UBAC2: variants seen among roughly 807,000 people sequenced by gnomAD.
UBAC2 encodes the protein UBA domain containing 2, also known as ubiquitin-associated domain-containing protein 2.
UBAC2 carries 26 observed loss-of-function variants against 44.0 expected under a neutral mutation model. The ratio of observed to expected loss-of-function variants is 0.59; its 90% confidence interval spans 0.43 to 0.82. UBAC2 has a LOEUF of 0.82. UBAC2 is among the 40% of genes least tolerant of loss of function. The probability of loss-of-function intolerance (pLI) is 0.00; values close to 1 mark genes in which losing one functional copy is unlikely to be tolerated. For missense variants in UBAC2, 329 were observed against 419.4 expected (o/e 0.78, Z 1.88); for synonymous variants, 155 against 154.3 (o/e 1.00, Z -0.04).
chr13:99,201,544 T>C (rs776095402), intron 1 of UBAC2: 4 of 1,614,144 alleles, frequency 2.5e-6, no homozygotes, highest in Non-Finnish European at 1.7e-6. Flanking sequence ...GCTGTTTTCC[T>C]GGCGTGTTAG....
At chr13:99,337,513 G>T (rs1015725676) in intron 6 of UBAC2, among the ~76,000 whole-genome samples, 9 of 152,020 alleles carry the variant, frequency 5.9e-5, no homozygotes, top group African/African-American at 1.4e-4. Flanking sequence ...CACCACAGTG[G>T]ATCTAGATGT....
chr13:99,299,449 TACAC>T (rs1005093496), intron 4 of UBAC2, among the ~76,000 whole-genome samples: 1 of 149,890 alleles, frequency 6.7e-6, no homozygotes, highest in South Asian at 2.1e-4. Context: ...GGGAAGCAAA[TACAC>T]ACACACACGC....
At chr13:99,272,029 T>C (rs777902757) in intron 4 of UBAC2, among the ~76,000 whole-genome samples, 2 of 152,238 alleles carry the variant, frequency 1.3e-5, no homozygotes, top group Non-Finnish European at 2.9e-5. Flanking sequence ...ACTTTCTTTG[T>C]TGTTTCAGCA....
chr13:99,317,191 A>G (rs1305374430), intron 5 of UBAC2, among the ~76,000 whole-genome samples: 3 of 152,148 alleles, frequency 2.0e-5, no homozygotes, highest in Non-Finnish European at 2.9e-5. Flanking sequence ...TGAGGTTTTC[A>G]TCTAGCACAA....
At chr13:99,336,261 A>C (rs2044787418) in intron 6 of UBAC2, among the ~76,000 whole-genome samples, 1 of 152,116 alleles carries the variant, frequency 6.6e-6, no homozygotes, top group South Asian at 2.1e-4. Context: ...ATGAATTCTG[A>C]ATACTTTCTT....
intron 4 of UBAC2, among the ~76,000 whole-genome samples, chr13:99,250,397 C>T (rs751784495): frequency 6.6e-6 from 1 of 152,174 alleles, no homozygotes. Context: ...TCTGGGTTCT[C>T]TATTCTGTTC....
chr13:99,316,322 C>T (rs540685663), intron 5 of UBAC2, among the ~76,000 whole-genome samples: 1 of 152,160 alleles, frequency 6.6e-6, no homozygotes, highest in South Asian at 2.1e-4. Context: ...GTCTGTCCTC[C>T]ACCTGCCTCC....
chr13:99,374,762 T>C (rs928764452), intron 8 of UBAC2, among the ~76,000 whole-genome samples: 5 of 152,140 alleles, frequency 3.3e-5, no homozygotes, highest in African/African-American at 7.2e-5. Context: ...ACATTGGGTA[T>C]TGGGTTAGCC....
chr13:99,369,353 C>T (rs1489532151), intron 8 of UBAC2, among the ~76,000 whole-genome samples: 1 of 152,186 alleles, frequency 6.6e-6, no homozygotes, highest in Non-Finnish European at 1.5e-5. Context: ...GAGTTTTGCT[C>T]TTTTCCCAGG....
At chr13:99,297,713 T>A (rs2044197176) in intron 4 of UBAC2, among the ~76,000 whole-genome samples, 1 of 151,708 alleles carries the variant, frequency 6.6e-6, no homozygotes, top group Non-Finnish European at 1.5e-5. Flanking sequence ...AGAATGAGGA[T>A]GGTAAGTAGA....
At chr13:99,214,445 G>A (rs1350159358) in intron 1 of UBAC2, among the ~76,000 whole-genome samples, 1 of 152,096 alleles carries the variant, frequency 6.6e-6, no homozygotes, top group Non-Finnish European at 1.5e-5. Context: ...TTCTCTTCTA[G>A]TATGCAAGGA....
chr13:99,235,995 G>C (rs2043228371), intron 1 of UBAC2, among the ~76,000 whole-genome samples: 1 of 152,046 alleles, frequency 6.6e-6, no homozygotes, highest in South Asian at 2.1e-4. Flanking sequence ...GGTAAAACGG[G>C]TTAACCATAT....
At chr13:99,235,545 A>C (rs2043223204) in intron 1 of UBAC2, among the ~76,000 whole-genome samples, 1 of 152,226 alleles carries the variant, frequency 6.6e-6, no homozygotes, top group South Asian at 2.1e-4. Flanking sequence ...AGAGTAACCA[A>C]ATCAGCAGGA....
chr13:99,211,485 G>GA (rs2142655742), intron 1 of UBAC2, among the ~76,000 whole-genome samples: 1 of 152,272 alleles, frequency 6.6e-6, no homozygotes, highest in East Asian at 1.9e-4. Context: ...TTCAATCAAC[G>GA]ACTAATAAGT....
At chr13:99,319,860 C>T (rs1224464679) in intron 6 of UBAC2, among the ~76,000 whole-genome samples, 2 of 152,216 alleles carry the variant, frequency 1.3e-5, no homozygotes, top group Non-Finnish European at 2.9e-5. Flanking sequence ...AGCCTGAGAA[C>T]AGCAAAGAAG....
intron 7 of UBAC2, among the ~76,000 whole-genome samples, chr13:99,347,817 T>C (rs1343578598): frequency 6.6e-6 from 1 of 151,440 alleles, no homozygotes; most frequent in Non-Finnish European, 1.5e-5. Context: ...GCACTGACTA[T>C]CCAGAGGCCT....
At chr13:99,288,158 C>A (rs1406741405) in intron 4 of UBAC2, among the ~76,000 whole-genome samples, 1 of 152,198 alleles carries the variant, frequency 6.6e-6, no homozygotes, top group Non-Finnish European at 1.5e-5. Context: ...CATTCTGACA[C>A]ACTTTTTTCT....
intron 1 of UBAC2, chr13:99,201,234 T>C (rs1277427816): frequency 4.3e-5 from 62 of 1,433,782 alleles, no homozygotes; most frequent in Non-Finnish European, 5.4e-5. Flanking sequence ...GCAGGTGCCC[T>C]GGTGTTCTCG....
chr13:99,227,186 G>A (rs186869738), intron 1 of UBAC2, among the ~76,000 whole-genome samples: 12 of 148,018 alleles, frequency 8.1e-5, no homozygotes, highest in East Asian at 8.1e-4. Context: ...CAACAAGAGC[G>A]AAACTCCATC....
Sources: gnomAD v4.1 joint callset for allele counts (sites outside exome capture counted in the v4.1 genomes callset) on GRCh38, gnomAD v4.1.1 for gene constraint, MANE v1.5 for transcripts, NCBI Gene and HGNC (gene_info 2026-07-23, HGNC 2026-07-21) for gene names.